The following FBXL20 variants were observed in gnomAD, a reference collection of about 807,000 sequenced individuals.
FBXL20 encodes F-box and leucine rich repeat protein 20, also known as F-box/LRR-repeat protein 20.
In FBXL20, 11 loss-of-function variants were observed where a neutral mutation model predicts 64.0. The observed-to-expected ratio is 0.17, with a 90% CI of 0.11 to 0.28. The LOEUF is 0.28. Among genes scored for constraint, FBXL20 ranks in the 10% least tolerant of loss-of-function variants. FBXL20 has a pLI of 1.00. For synonymous variants in FBXL20, 184 were observed against 189.0 expected (o/e 0.97, Z 0.22); for missense variants, 303 against 526.2 (o/e 0.58, Z 4.15).
Position 39,265,443 on chromosome 17 carries a change from CTATCTGT to C in FBXL20, c.937_943del (p.Thr313AlafsTer3). On this transcript the variant is annotated frameshift_variant, in exon 13 of 15. Transcript: ENST00000264658. LOFTEE classifies it high-confidence loss of function. ...GTGTATAGAAAGTTGGATTAATGTG[CTATCTGT>C]TATCTGAAAGAAATAACGTATGTTG... The C allele has an allele frequency of 6.2e-7, 1 of 1,608,504 alleles. No individual in the cohort carries two copies. The highest frequency in any genetic ancestry group is 8.5e-7 in the Non-Finnish European group (1 of 1,175,078).
chr17:39,370,265 C>T (rs573333711), intron 1 of FBXL20, among the ~76,000 whole-genome samples: 81 of 151,080 alleles, frequency 5.4e-4, no homozygotes, highest in Middle Eastern at 3.5e-3. Flanking sequence ...CCGGGGCGGG[C>T]GGATCATCTG....
intron 1 of FBXL20, among the ~76,000 whole-genome samples, chr17:39,381,031 G>A (rs903543651): frequency 4.0e-5 from 6 of 151,896 alleles, no homozygotes; most frequent in African/African-American, 1.5e-4. Flanking sequence ...GTGGTGGCAG[G>A]CACCTGTAAT....
intron 2 of FBXL20, among the ~76,000 whole-genome samples, chr17:39,337,679 C>T (rs1460648031): frequency 6.6e-6 from 1 of 151,878 alleles, no homozygotes; most frequent in Non-Finnish European, 1.5e-5. Flanking sequence ...GCAACCGCCC[C>T]GTCTGAGAAG....
chr17:39,355,855 CAAAA>C (rs746086439), intron 1 of FBXL20, among the ~76,000 whole-genome samples: 4 of 67,610 alleles, frequency 5.9e-5, no homozygotes, highest in African/African-American at 1.6e-4. Context: ...GACTTCGTCT[CAAAA>C]AAAAAAAAAA....
chr17:39,347,801 T>C (rs963146924), intron 1 of FBXL20, among the ~76,000 whole-genome samples: 4 of 152,166 alleles, frequency 2.6e-5, no homozygotes, highest in Non-Finnish European at 5.9e-5. Context: ...TTAGGTTTTC[T>C]TCTAGAGTTT....
At chr17:39,359,591 G>T (rs954763333) in intron 1 of FBXL20, among the ~76,000 whole-genome samples, 2 of 151,896 alleles carry the variant, frequency 1.3e-5, no homozygotes, top group Non-Finnish European at 2.9e-5. Context: ...CAACAAGAGT[G>T]AGACTCCATC....
intron 2 of FBXL20, among the ~76,000 whole-genome samples, chr17:39,335,136 A>T (rs2047507853): frequency 6.6e-6 from 1 of 152,184 alleles, no homozygotes; most frequent in African/African-American, 2.4e-5. Flanking sequence ...CTAGACAGAT[A>T]ATCTCAAGTC....
At chr17:39,363,815 A>AAAAAAAAAC (rs1567896954) in intron 1 of FBXL20, among the ~76,000 whole-genome samples, 1 of 141,940 alleles carries the variant, frequency 7.0e-6, no homozygotes, top group African/African-American at 2.8e-5. Flanking sequence ...TATCTCAAAA[A>AAAAAAAAAC]AAAAAAAAAA....
intron 10 of FBXL20, among the ~76,000 whole-genome samples, chr17:39,274,283 A>G (rs187400799): frequency 8.9e-4 from 136 of 152,316 alleles, no homozygotes; most frequent in African/African-American, 3.1e-3. Context: ...ACATGTCTTT[A>G]GTCCCAGCTA....
intron 1 of FBXL20, among the ~76,000 whole-genome samples, chr17:39,345,440 G>A: frequency 6.6e-6 from 1 of 152,130 alleles, no homozygotes; most frequent in East Asian, 1.9e-4. Flanking sequence ...GAAGATCCTG[G>A]TATCTCATGG....
chr17:39,286,807 A>T (rs1476124783), intron 6 of FBXL20, among the ~76,000 whole-genome samples: 1 of 152,042 alleles, frequency 6.6e-6, no homozygotes, highest in Non-Finnish European at 1.5e-5. Context: ...TCAAAAAAAA[A>T]ATTTTTTTTA....
At chr17:39,335,593 A>T (rs1176838990) in intron 2 of FBXL20, among the ~76,000 whole-genome samples, 1 of 151,666 alleles carries the variant, frequency 6.6e-6, no homozygotes, top group African/African-American at 2.4e-5. Context: ...AAAAAAAAAA[A>T]AAAAAAAAAA....
At chr17:39,314,786 T>C (rs1012516857) in intron 2 of FBXL20, among the ~76,000 whole-genome samples, 7 of 148,524 alleles carry the variant, frequency 4.7e-5, no homozygotes, top group African/African-American at 7.6e-5. Flanking sequence ...AATTTCTCCA[T>C]ATCCTTTTCT....
At chr17:39,317,112 A>G (rs1230261895) in intron 2 of FBXL20, among the ~76,000 whole-genome samples, 1 of 152,254 alleles carries the variant, frequency 6.6e-6, no homozygotes, top group Non-Finnish European at 1.5e-5. Flanking sequence ...TTAAATGTCC[A>G]ATATATGAAT....
intron 2 of FBXL20, among the ~76,000 whole-genome samples, chr17:39,315,829 C>G (rs375885672): frequency 7.6e-4 from 99 of 129,742 alleles, no homozygotes; most frequent in Non-Finnish European, 1.0e-3. Flanking sequence ...GAGAGAGAGA[C>G]AGAGAGAGAG....
Position 39,353,133 on chromosome 17 carries a change from C to T in FBXL20, c.43-9892G>A, listed in dbSNP as rs749975137. Among the ~76,000 whole-genome samples the T allele has an allele frequency of 6.1e-4, 92 of 152,004 alleles. 2 individuals are homozygous for T. Among genetic ancestry groups the T allele is most frequent in the Non-Finnish European group, 1.2e-3 (81 of 67,964 alleles). On this transcript the variant is annotated intron_variant, in intron 1 of 14. Coordinates refer to ENST00000264658, the MANE Select transcript of FBXL20 (RefSeq NM_032875.3). Reference sequence around the variant, plus strand: ...TGCAGATGATTGCAGGGATACCATGCCAATAAAAACTGTCTACATCTGGAC... The same window carrying T: ...TGCAGATGATTGCAGGGATACCATGTCAATAAAAACTGTCTACATCTGGAC...
chr17:39,302,495 T>A (rs1417229242), intron 3 of FBXL20, among the ~76,000 whole-genome samples: 4 of 151,096 alleles, frequency 2.6e-5, no homozygotes, highest in Non-Finnish European at 5.9e-5. Context: ...TGCCTCAGCC[T>A]CCCGAGTAGC....
chr17:39,289,246 A>G lies in FBXL20; in HGVS notation c.399-3673T>C, dbSNP rs141190528. On this transcript the variant is annotated intron_variant, in intron 6 of 14. Coordinates refer to ENST00000264658, the MANE Select transcript of FBXL20 (RefSeq NM_032875.3). Reference sequence around the variant, plus strand: ...GATTTCGTTATTCTAGAACCTCTGCATTTGCACATGAATTTAGAATCAGCC... The same window carrying G: ...GATTTCGTTATTCTAGAACCTCTGCGTTTGCACATGAATTTAGAATCAGCC... Among the ~76,000 whole-genome samples the G allele has an allele frequency of 8.5e-5, 13 of 152,336 alleles. 1 individual carries two copies. The East Asian group carries it at 2.5e-3, about 29-fold the overall frequency.
chr17:39,391,749 CT>C (rs2048135676), intron 1 of FBXL20, among the ~76,000 whole-genome samples: 1 of 151,936 alleles, frequency 6.6e-6, no homozygotes, highest in South Asian at 2.1e-4. Flanking sequence ...ACAGAGAGCT[CT>C]GGAAAACCTT....
Sources: allele counts gnomAD v4.1 joint callset (sites outside exome capture counted in the v4.1 genomes callset), GRCh38; gene constraint gnomAD v4.1.1; transcripts MANE v1.5; gene names NCBI Gene and HGNC (gene_info 2026-07-23, HGNC 2026-07-21).